The following NPAS3 variants were observed in gnomAD, a reference collection of about 807,000 sequenced individuals.
The protein encoded by NPAS3 is neuronal PAS domain protein 3, also known as neuronal PAS domain-containing protein 3.
NPAS3 carries 14 observed loss-of-function variants against 73.1 expected under a neutral mutation model. The observed-to-expected ratio is 0.19, with a 90% CI of 0.13 to 0.30. The LOEUF is 0.30. NPAS3 is among the 10% of genes least tolerant of loss of function. The pLI, the probability that NPAS3 is intolerant of heterozygous loss-of-function variation, is 1.00. For synonymous variants in NPAS3, 620 were observed against 541.5 expected (o/e 1.14, Z -2.01); for missense variants, 1,096 against 1,250.0 (o/e 0.88, Z 1.86).
chr14:33,158,126 A>G (rs1178553266), intron 2 of NPAS3, among the ~76,000 whole-genome samples: 1 of 152,242 alleles, frequency 6.6e-6, no homozygotes, highest in African/African-American at 2.4e-5. Context: ...TGTTACTTGT[A>G]TTCAAAATCG....
At chr14:33,264,715 T>C (rs2139978805) in intron 3 of NPAS3, among the ~76,000 whole-genome samples, 1 of 152,268 alleles carries the variant, frequency 6.6e-6, no homozygotes, top group African/African-American at 2.4e-5. Flanking sequence ...TTTCACACTA[T>C]AAATGTGAAT....
At position 33,482,053 on chromosome 14, in the gene NPAS3, G is replaced by GTT. The variant is rs35267663; in HGVS notation, c.469-78051_469-78050dup. On this transcript the variant is annotated intron_variant, in intron 4 of 11. Transcript: ENST00000356141. ...GGAAAATTCATGAACTCAGAAGCAA[G>GTT]TTTTTTTTTTTTTTTTTTAAGATAC... 2.0e-3 allele frequency among the ~76,000 whole-genome samples: 270 copies of GTT among 137,564 alleles called. 3 individuals carry two copies. Among genetic ancestry groups the GTT allele is most frequent in the African/African-American group, 2.8e-3 (109 of 38,326 alleles). 90.2% of individuals were successfully genotyped at this position (137,564 alleles called of 152,430 possible).
At chr14:33,564,820 T>G (rs1486648231) in intron 5 of NPAS3, among the ~76,000 whole-genome samples, 1 of 152,132 alleles carries the variant, frequency 6.6e-6, no homozygotes, top group African/African-American at 2.4e-5. Flanking sequence ...TAGGGTCCTG[T>G]TTACAACAAA....
At chr14:33,522,431 T>C (rs1405751664) in intron 4 of NPAS3, among the ~76,000 whole-genome samples, 1 of 152,140 alleles carries the variant, frequency 6.6e-6, no homozygotes, top group Non-Finnish European at 1.5e-5. Context: ...GTGAGAAATG[T>C]TCCTCTCCAA....
At chr14:33,405,779 C>T (rs1343145605) in intron 4 of NPAS3, among the ~76,000 whole-genome samples, 1 of 152,110 alleles carries the variant, frequency 6.6e-6, no homozygotes, top group Non-Finnish European at 1.5e-5. Flanking sequence ...TTTGCCCACA[C>T]CATCCCAGCA....
intron 8 of NPAS3, among the ~76,000 whole-genome samples, chr14:33,775,563 A>T (rs938698004): frequency 6.6e-6 from 1 of 152,144 alleles, no homozygotes; most frequent in African/African-American, 2.4e-5. Flanking sequence ...ACTGCCTATC[A>T]TTTCTGAACA....
chr14:33,695,933 C>T lies in NPAS3; in HGVS notation c.733+19548C>T, dbSNP rs73257032. On this transcript the variant is annotated intron_variant, in intron 6 of 11. Transcript: ENST00000356141. ...CACTTAATGTAGGGGTACCCTATGTCATTAAAAAATGACTTTCATTATCTT... is the reference window on the plus strand; with the variant it reads ...CACTTAATGTAGGGGTACCCTATGTTATTAAAAAATGACTTTCATTATCTT... Among the ~76,000 whole-genome samples, 558 of 152,280 alleles carry T rather than the reference C, an allele frequency of 3.7e-3. 3 individuals carry two copies. Among genetic ancestry groups the T allele is most frequent in the African/African-American group, 0.012 (478 of 41,560 alleles).
chr14:33,438,269 T>G (rs1163456829), intron 4 of NPAS3, among the ~76,000 whole-genome samples: 1 of 152,202 alleles, frequency 6.6e-6, no homozygotes, highest in Non-Finnish European at 1.5e-5. Context: ...GATCATACTC[T>G]TACCCCATTT....
At chr14:33,670,624 C>CAA (rs755412371) in intron 5 of NPAS3, among the ~76,000 whole-genome samples, 175 of 134,848 alleles carry the variant, frequency 1.3e-3, no homozygotes, top group East Asian at 6.4e-3. Flanking sequence ...GACCCCCCCT[C>CAA]AAAAAAAAAA....
chr14:33,565,713 A>C (rs190783931), intron 5 of NPAS3, among the ~76,000 whole-genome samples: 104 of 152,324 alleles, frequency 6.8e-4, no homozygotes, highest in African/African-American at 2.3e-3. Context: ...AAAGACAAAA[A>C]AGGTATTATT....
rs149310082 is a variant in NPAS3 at position 33,518,654 on chromosome 14, T to A, written c.469-41467T>A. 5.9e-3 allele frequency among the ~76,000 whole-genome samples: 874 copies of A among 148,470 alleles called. 10 individuals carry two copies. Among genetic ancestry groups the A allele is most frequent in the Middle Eastern group, 0.018 (5 of 284 alleles). ...TGCAAAAAATGAAATTTCCTTGACC[T>A]GGAATACATCCTCCTTCCTCCACCC... On this transcript the variant is annotated intron_variant, in intron 4 of 11. Transcript: ENST00000356141.
At chr14:33,754,297 G>A (rs2062050201) in intron 7 of NPAS3, among the ~76,000 whole-genome samples, 1 of 152,084 alleles carries the variant, frequency 6.6e-6, no homozygotes, top group Non-Finnish European at 1.5e-5. Context: ...TGGAATCCGG[G>A]GTATCAAAAG....
intron 2 of NPAS3, among the ~76,000 whole-genome samples, chr14:33,172,390 A>G (rs2045424967): frequency 6.6e-6 from 1 of 152,156 alleles, no homozygotes; most frequent in Admixed American, 6.5e-5. Context: ...CATGTAGCAA[A>G]CATTCAAAAG....
intron 1 of NPAS3, among the ~76,000 whole-genome samples, chr14:32,942,187 C>A (rs769304990): frequency 3.3e-5 from 5 of 152,158 alleles, no homozygotes; most frequent in Admixed American, 3.3e-4. Context: ...TTTTCAAAAT[C>A]ATTGATTTCA....
At chr14:33,147,730 A>AAAAAAAATATATATATATAT (rs372663411) in intron 2 of NPAS3, among the ~76,000 whole-genome samples, 11 of 130,352 alleles carry the variant, frequency 8.4e-5, no homozygotes, top group African/African-American at 3.2e-4. Flanking sequence ...TAGAATAAAA[A>AAAAAAAATATATATATATAT]ATATATATAT....
chr14:33,474,221 G>A (rs2050915900), intron 4 of NPAS3, among the ~76,000 whole-genome samples: 1 of 152,174 alleles, frequency 6.6e-6, no homozygotes, highest in South Asian at 2.1e-4. Flanking sequence ...AAGACTGTTA[G>A]AAAGGAAACT....
intron 3 of NPAS3, among the ~76,000 whole-genome samples, chr14:33,350,301 T>G (rs989592041): frequency 1.3e-5 from 2 of 152,230 alleles, no homozygotes; most frequent in Non-Finnish European, 2.9e-5. Context: ...TTCTCCTCAG[T>G]GCATCTTTGA....
intron 2 of NPAS3, among the ~76,000 whole-genome samples, chr14:33,096,327 A>G (rs2042418697): frequency 6.6e-6 from 1 of 152,138 alleles, no homozygotes; most frequent in Admixed American, 6.6e-5. Flanking sequence ...CTTCATGGCC[A>G]ATTCTTAGTT....
chr14:33,471,846 C>G (rs1429089610), intron 4 of NPAS3, among the ~76,000 whole-genome samples: 2 of 152,194 alleles, frequency 1.3e-5, no homozygotes, highest in Admixed American at 1.3e-4. Context: ...GCGAGAGAAG[C>G]TTCATCTGTA....
Sources: allele counts gnomAD v4.1 joint callset (sites outside exome capture counted in the v4.1 genomes callset), GRCh38; gene constraint gnomAD v4.1.1; transcripts MANE v1.5; gene names NCBI Gene and HGNC (gene_info 2026-07-23, HGNC 2026-07-21).